The following PCDHA3 variants were observed in gnomAD, a reference collection of about 807,000 sequenced individuals.
PCDHA3 encodes protocadherin alpha-3.
PCDHA3 carries 41 observed loss-of-function variants against 62.2 expected under a neutral mutation model. That is an observed-to-expected ratio of 0.66 (90% CI 0.51 to 0.86). PCDHA3 has a LOEUF of 0.86. PCDHA3 is among the 40% of genes least tolerant of loss of function. The probability of loss-of-function intolerance (pLI) is 0.00; values close to 1 mark genes in which losing one functional copy is unlikely to be tolerated. For missense variants in PCDHA3, 1,304 were observed against 1,241.2 expected, an observed-to-expected ratio of 1.05 and a Z score of -0.76; for synonymous variants, 640 against 555.4, an observed-to-expected ratio of 1.15 and a Z score of -2.14.
intron 1 of PCDHA3, chr5:140,884,638 G>C: frequency 6.2e-7 from 1 of 1,610,712 alleles, no homozygotes; most frequent in South Asian, 1.1e-5. Context: ...GCCAGAGGGA[G>C]GAGGACTCAG....
chr5:140,988,642 T>C (rs981488031), intron 3 of PCDHA3, among the ~76,000 whole-genome samples: 22 of 152,212 alleles, frequency 1.4e-4, no homozygotes, highest in African/African-American at 5.3e-4. Context: ...TTTCTGAAAT[T>C]AAACATTTTT....
chr5:140,864,096 T>C (rs1459291547), intron 1 of PCDHA3: 1 of 152,506 alleles, frequency 6.6e-6, no homozygotes, highest in Non-Finnish European at 1.5e-5. Flanking sequence ...TTGATAAGTA[T>C]AATGATAATA....
chr5:140,853,384 C>G, intron 1 of PCDHA3: 1 of 985,584 alleles, frequency 1.0e-6, no homozygotes, highest in African/African-American at 1.8e-5. Context: ...AAATTCAAAA[C>G]AGCCTGTCAA....
intron 1 of PCDHA3, among the ~76,000 whole-genome samples, chr5:140,895,206 A>G (rs948962776): frequency 6.6e-6 from 1 of 151,808 alleles, no homozygotes; most frequent in Non-Finnish European, 1.5e-5. Flanking sequence ...ATTTGCTTTT[A>G]TTTCTAATAT....
chr5:140,977,163 AATG>A (rs1554238313), intron 1 of PCDHA3, among the ~76,000 whole-genome samples: 2 of 152,198 alleles, frequency 1.3e-5, no homozygotes, highest in Non-Finnish European at 2.9e-5. Flanking sequence ...CTTTCAGCAA[AATG>A]AGTTTGATGA....
intron 1 of PCDHA3, 66 bp from the exon 2 acceptor site, chr5:140,978,883 T>C: frequency 6.2e-7 from 1 of 1,611,182 alleles, no homozygotes; most frequent in Non-Finnish European, 8.5e-7. Flanking sequence ...ACTAATCAAT[T>C]AGCAGCATTC....
chr5:140,802,676 G>A lies in PCDHA3; in HGVS notation c.1479G>A (p.Ser493=), dbSNP rs541522479. 5 of 1,613,378 alleles carry A rather than the reference G, an allele frequency of 3.1e-6. No homozygotes were observed. In the African/African-American group the frequency reaches 6.7e-5, roughly 21 times the overall value. The stretch of plus-strand genomic sequence containing the variant: ...AGGAGAACGCCCTGGTGTCCTACTC[G>A]CTGGTGGAACGGCGGGTGGGGGAGC... ...DAQENALVSY[S]LVERRVGERA... The change falls in exon 1 of 4, where the codon TCG becomes TCA. Residue 493 remains serine (S), a synonymous_variant. Transcript: ENST00000522353.
intron 1 of PCDHA3, chr5:140,856,880 T>TA: frequency 6.3e-7 from 1 of 1,594,256 alleles, no homozygotes; most frequent in Non-Finnish European, 8.6e-7. Flanking sequence ...GGAAATGATG[T>TA]ATTCATTTAG....
chr5:140,857,164 C>A (rs782269515), intron 1 of PCDHA3: 3 of 1,598,230 alleles, frequency 1.9e-6, no homozygotes, highest in South Asian at 1.1e-5. Context: ...CCCTAATCAG[C>A]GTTTCTGACC....
intron 1 of PCDHA3, chr5:140,843,540 T>C: frequency 6.3e-7 from 1 of 1,595,966 alleles, no homozygotes; most frequent in Non-Finnish European, 8.6e-7. Context: ...CCCACTCTGG[T>C]GTGCTCCAGT....
At chr5:140,807,032 A>T in intron 1 of PCDHA3, 1 of 901,256 alleles carries the variant, frequency 1.1e-6, no homozygotes, top group Non-Finnish European at 1.7e-6. Flanking sequence ...AAGGAGGAAG[A>T]AGGGAAAATT....
intron 1 of PCDHA3, chr5:140,869,778 C>G (rs782226363): frequency 6.2e-7 from 1 of 1,612,924 alleles, no homozygotes. Flanking sequence ...TTACTGGCAC[C>G]GTTCGGCTGT....
chr5:140,943,491 G>A (rs1387185924), intron 1 of PCDHA3, among the ~76,000 whole-genome samples: 4 of 151,986 alleles, frequency 2.6e-5, no homozygotes, highest in Non-Finnish European at 5.9e-5. Context: ...ATAAATAGAT[G>A]CTATCAAGGT....
At chr5:140,828,140 C>T in intron 1 of PCDHA3, 1 of 1,613,974 alleles carries the variant, frequency 6.2e-7, no homozygotes, top group South Asian at 1.1e-5. Flanking sequence ...TCTGCTCCTC[C>T]CGCTTCTGCT....
At chr5:140,964,174 A>G (rs1187603456) in intron 1 of PCDHA3, among the ~76,000 whole-genome samples, 2 of 152,250 alleles carry the variant, frequency 1.3e-5, no homozygotes, top group African/African-American at 4.8e-5. Flanking sequence ...GAACGAAATC[A>G]TTATAGTGCC....
chr5:140,957,652 A>G (rs2095373583), intron 1 of PCDHA3, among the ~76,000 whole-genome samples: 1 of 152,132 alleles, frequency 6.6e-6, no homozygotes, highest in African/African-American at 2.4e-5. Flanking sequence ...TAAATATTCA[A>G]TCATGGAGTA....
intron 1 of PCDHA3, chr5:140,834,288 A>G: frequency 3.4e-6 from 4 of 1,183,556 alleles, no homozygotes; most frequent in Non-Finnish European, 3.6e-6. Flanking sequence ...ATGCACAACA[A>G]TGGCCACACA....
At chr5:140,808,128 A>T (rs1554124423) in intron 1 of PCDHA3, 2 of 1,614,078 alleles carry the variant, frequency 1.2e-6, no homozygotes, top group South Asian at 2.2e-5. Context: ...GAAGAAAGCA[A>T]ATCCTATGAA....
chr5:140,982,687 C>T (rs2096996612), intron 3 of PCDHA3, 124 bp downstream of exon 3: 1 of 1,415,822 alleles, frequency 7.1e-7, no homozygotes, highest in Non-Finnish European at 9.3e-7. Flanking sequence ...CCCTTTTTTC[C>T]ATACATACAT....
Sources: gnomAD v4.1 joint callset for allele counts (sites outside exome capture counted in the v4.1 genomes callset) on GRCh38, gnomAD v4.1.1 for gene constraint, MANE v1.5 for transcripts, NCBI Gene and HGNC (gene_info 2026-07-23, HGNC 2026-07-21) for gene names.